Variants in MCTP1 observed in about 807,000 individuals in gnomAD.
The protein encoded by MCTP1 is multiple C2 and transmembrane domain containing 1, also known as multiple C2 and transmembrane domain-containing protein 1.
In MCTP1, 69 loss-of-function variants were observed where a neutral mutation model predicts 120.6. The ratio of observed to expected loss-of-function variants is 0.57; its 90% CI spans 0.47 to 0.70. MCTP1 has a LOEUF of 0.70. Ranked by LOEUF, MCTP1 falls within the 30% of genes least tolerant of loss-of-function variation. MCTP1 has a pLI of 0.00. For synonymous variants in MCTP1, 529 were observed against 493.1 expected (o/e 1.07, Z -0.96); for missense variants, 1,203 against 1,248.8 (o/e 0.96, Z 0.55).
intron 18 of MCTP1, among the ~76,000 whole-genome samples, chr5:94,789,810 AAC>A (rs1280566977): frequency 5.9e-5 from 9 of 152,334 alleles, no homozygotes; most frequent in Admixed American, 5.9e-4. Context: ...ATCATCTTTG[AAC>A]CACAGTTTGT....
chr5:95,036,691 C>T (rs765379743), intron 1 of MCTP1, among the ~76,000 whole-genome samples: 7 of 152,118 alleles, frequency 4.6e-5, no homozygotes, highest in Non-Finnish European at 1.0e-4. Context: ...CAATCCTACC[C>T]ATAAAATTAA....
Position 95,283,892 on chromosome 5 carries a change from C to CCGAGACT in MCTP1, c.677_683dup (p.Ala229ValfsTer24), listed in dbSNP as rs1760533677. Reference sequence around the variant, plus strand: ...CGTGCTCCTCGCCCGTCTCCGGGGCCCGAGACTCCGCGGGACTCCGCGCCG... The same window carrying CCGAGACT: ...CGTGCTCCTCGCCCGTCTCCGGGGCCCGAGACTCGAGACTCCGCGGGACTCCGCGCCG... On this transcript the variant is annotated frameshift_variant, in exon 1 of 23. Coordinates refer to ENST00000515393, the MANE Select transcript of MCTP1 (RefSeq NM_024717.7). LOFTEE classifies it high-confidence loss of function. 3 of 1,384,812 alleles carry CCGAGACT rather than the reference C, an allele frequency of 2.2e-6. No homozygotes were observed. The highest frequency in any genetic ancestry group is 2.8e-6 in the Non-Finnish European group (3 of 1,078,838). 85.8% of individuals were successfully genotyped at this position (1,384,812 alleles called of 1,614,324 possible).
At chr5:94,812,540 T>C (rs1783660277) in intron 17 of MCTP1, among the ~76,000 whole-genome samples, 1 of 149,192 alleles carries the variant, frequency 6.7e-6, no homozygotes, top group African/African-American at 2.5e-5. Flanking sequence ...TTTCCAAAGA[T>C]AAATTCAGGT....
chr5:95,133,746 G>A (rs576129485), intron 1 of MCTP1, among the ~76,000 whole-genome samples: 4 of 152,298 alleles, frequency 2.6e-5, no homozygotes, highest in African/African-American at 4.8e-5. Flanking sequence ...CTGTACTCAC[G>A]TATTTTTGAG....
At chr5:94,918,168 C>T (rs1810604994) in intron 7 of MCTP1, among the ~76,000 whole-genome samples, 195 bp from the exon 8 acceptor site, 2 of 152,146 alleles carry the variant, frequency 1.3e-5, no homozygotes, top group Non-Finnish European at 2.9e-5. Context: ...CATTTCCAGC[C>T]ACTATTTTCT....
At chr5:95,257,387 A>G (rs1490886017) in intron 1 of MCTP1, among the ~76,000 whole-genome samples, 1 of 152,308 alleles carries the variant, frequency 6.6e-6, no homozygotes, top group Admixed American at 6.5e-5. Context: ...TATTTTTTCT[A>G]ATTATAAGGT....
chr5:95,054,913 T>C (rs1308670537), intron 1 of MCTP1, among the ~76,000 whole-genome samples: 1 of 152,136 alleles, frequency 6.6e-6, no homozygotes, highest in Non-Finnish European at 1.5e-5. Context: ...GATCAAGCGA[T>C]TCTCCTGCCT....
chr5:94,737,975 G>A (rs1040544292), intron 19 of MCTP1, among the ~76,000 whole-genome samples: 13 of 152,294 alleles, frequency 8.5e-5, no homozygotes, highest in South Asian at 2.1e-4. Flanking sequence ...CACCGCACCC[G>A]GCCAGAATTT....
intron 1 of MCTP1, among the ~76,000 whole-genome samples, chr5:95,194,177 G>C (rs1750129122): frequency 6.6e-6 from 1 of 151,824 alleles, no homozygotes; most frequent in African/African-American, 2.4e-5. Flanking sequence ...GATTGTGCCT[G>C]GGCAACAGAG....
chr5:94,994,384 C>G (rs1832200062), intron 2 of MCTP1, among the ~76,000 whole-genome samples: 1 of 152,154 alleles, frequency 6.6e-6, no homozygotes, highest in African/African-American at 2.4e-5. Flanking sequence ...AGCTGTGTTA[C>G]TAGAGTGTGA....
At chr5:95,011,030 T>C (rs900805934) in intron 2 of MCTP1, among the ~76,000 whole-genome samples, 1 of 152,202 alleles carries the variant, frequency 6.6e-6, no homozygotes, top group African/African-American at 2.4e-5. Context: ...CAGTGCATCC[T>C]GTCAGGGAGT....
At chr5:94,871,938 T>G (rs971411959) in intron 13 of MCTP1, among the ~76,000 whole-genome samples, 1 of 152,058 alleles carries the variant, frequency 6.6e-6, no homozygotes, top group Non-Finnish European at 1.5e-5. Flanking sequence ...TAGTAAAAAT[T>G]AACAAGCACA....
intron 17 of MCTP1, among the ~76,000 whole-genome samples, chr5:94,864,339 T>C (rs775664177): frequency 6.6e-6 from 1 of 151,914 alleles, no homozygotes; most frequent in Non-Finnish European, 1.5e-5. Context: ...CTAAGTAAAA[T>C]ATGTATCTCC....
chr5:94,837,825 A>C (rs545917948), intron 17 of MCTP1, among the ~76,000 whole-genome samples: 11 of 152,334 alleles, frequency 7.2e-5, no homozygotes, highest in African/African-American at 2.4e-4. Context: ...AGGTCAGATT[A>C]TTCTTCATGC....
At chr5:94,959,461 G>A (rs1823571093) in intron 2 of MCTP1, among the ~76,000 whole-genome samples, 1 of 152,164 alleles carries the variant, frequency 6.6e-6, no homozygotes, top group South Asian at 2.1e-4. Flanking sequence ...ATTCAAATAG[G>A]AAAAGAGGAA....
chr5:95,266,812 T>C (rs1758919702), intron 1 of MCTP1, among the ~76,000 whole-genome samples: 1 of 152,198 alleles, frequency 6.6e-6, no homozygotes, highest in South Asian at 2.1e-4. Context: ...TTCTGATCAC[T>C]CATATTTGCT....
intron 1 of MCTP1, among the ~76,000 whole-genome samples, chr5:95,138,668 G>A (rs566814916): frequency 6.6e-6 from 1 of 152,194 alleles, no homozygotes; most frequent in African/African-American, 2.4e-5. Context: ...ACTGCCATGT[G>A]AGCCGCCGTC....
intron 1 of MCTP1, among the ~76,000 whole-genome samples, chr5:95,185,863 AC>A (rs1749146513): frequency 6.6e-6 from 1 of 151,952 alleles, no homozygotes; most frequent in Non-Finnish European, 1.5e-5. Context: ...GGTGGCACGC[AC>A]CTGTAATCCC....
At chr5:94,996,268 C>G (rs928308249) in intron 2 of MCTP1, among the ~76,000 whole-genome samples, 5 of 152,138 alleles carry the variant, frequency 3.3e-5, no homozygotes, top group African/African-American at 1.2e-4. Context: ...CCTCATTACA[C>G]TAAAAATTAA....
Sources: allele counts gnomAD v4.1 joint callset (sites outside exome capture counted in the v4.1 genomes callset), GRCh38; gene constraint gnomAD v4.1.1; transcripts MANE v1.5; gene names NCBI Gene and HGNC (gene_info 2026-07-23, HGNC 2026-07-21).